The following AGBL1 variants were observed in gnomAD, a reference collection of about 807,000 sequenced individuals.
The protein encoded by AGBL1 is cytosolic carboxypeptidase 4.
In AGBL1, 130 loss-of-function variants were observed where a neutral mutation model predicts 118.9. The ratio of observed to expected loss-of-function variants is 1.09; its 90% confidence interval spans 0.95 to 1.26. The LOEUF is 1.26. Ranked by LOEUF, AGBL1 falls within the 50% of genes most tolerant of loss-of-function variation. AGBL1 has a pLI of 0.00. For missense variants in AGBL1, 1,584 were observed against 1,298.1 expected (o/e 1.22, Z -3.38); for synonymous variants, 555 against 478.9 (o/e 1.16, Z -2.08).
chr15:86,332,368 C>T (rs1239111841), intron 17 of AGBL1, among the ~76,000 whole-genome samples: 1 of 152,120 alleles, frequency 6.6e-6, no homozygotes, highest in Non-Finnish European at 1.5e-5. Context: ...AACTCCGGGC[C>T]AGGCGCAGTG....
At position 86,613,565 on chromosome 15, in the gene AGBL1, A is replaced by G. The variant is rs2084684890; in HGVS notation, c.2994+59028A>G. Among the ~76,000 whole-genome samples the G allele has an allele frequency of 6.6e-6, 1 of 152,226 alleles. No individual in the cohort carries two copies. Among genetic ancestry groups the G allele is most frequent in the Non-Finnish European group, 1.5e-5 (1 of 68,044 alleles). ...TATAAGAGCTAGAACTAGGAATTGT[A>G]AAGTAGGAAATTACCTGAGCCAGAT... On this transcript the variant is annotated intron_variant, in intron 21 of 22. Coordinates refer to ENST00000614907, the MANE Select transcript of AGBL1 (RefSeq NM_001386094.1). The surrounding 1 kb of genome is among the most constrained non-coding windows in gnomAD (Gnocchi z 4.2).
intron 19 of AGBL1, among the ~76,000 whole-genome samples, chr15:86,536,251 T>C (rs1202857578): frequency 6.6e-6 from 1 of 152,224 alleles, no homozygotes; most frequent in Non-Finnish European, 1.5e-5. Flanking sequence ...TTTCTCTTGC[T>C]CTCAACAGTG....
At chr15:86,742,275 G>T (rs1282485861) in intron 22 of AGBL1, among the ~76,000 whole-genome samples, 4 of 152,100 alleles carry the variant, frequency 2.6e-5, no homozygotes, top group Non-Finnish European at 5.9e-5. Flanking sequence ...AGACGGCATG[G>T]CTTTTCCAGA....
chr15:86,360,613 G>C (rs1448988862), intron 17 of AGBL1, among the ~76,000 whole-genome samples: 1 of 151,890 alleles, frequency 6.6e-6, no homozygotes, highest in African/African-American at 2.4e-5. Flanking sequence ...AGAAAGACTG[G>C]TTTTAATTCT....
intron 12 of AGBL1, 66 bp downstream of exon 12, chr15:86,266,523 A>G (rs2079075048): frequency 8.7e-7 from 1 of 1,146,660 alleles, no homozygotes; most frequent in Non-Finnish European, 1.2e-6. Context: ...ATGAGAATAG[A>G]CATGTTTCCT....
At chr15:86,191,095 G>A (rs933561332) in intron 5 of AGBL1, among the ~76,000 whole-genome samples, 1 of 152,068 alleles carries the variant, frequency 6.6e-6, no homozygotes, top group African/African-American at 2.4e-5. Context: ...TGTAATCCCA[G>A]CACTTTGGGA....
intron 24 of AGBL1, among the ~76,000 whole-genome samples, chr15:87,010,094 TG>T (rs757547297): frequency 1.3e-5 from 2 of 152,002 alleles, no homozygotes; most frequent in African/African-American, 2.4e-5. Context: ...GGGCCAGGGG[TG>T]GAATGATATG....
chr15:86,207,507 CTCCTTGAAGAGA>C (rs2078014495), intron 5 of AGBL1, among the ~76,000 whole-genome samples: 1 of 152,042 alleles, frequency 6.6e-6, no homozygotes, highest in Non-Finnish European at 1.5e-5. Flanking sequence ...GTTTGTAGTT[CTCCTTGAAGAGA>C]TCCTTCACAT....
intron 23 of AGBL1, chr15:86,938,873 TA>T (rs2080711474): frequency 6.6e-6 from 1 of 152,178 alleles, no homozygotes; most frequent in African/African-American, 2.4e-5. Context: ...AGAACTGCAC[TA>T]AAACAAAACA....
chr15:86,162,685 A>G (rs1357108318), intron 5 of AGBL1, among the ~76,000 whole-genome samples: 1 of 152,222 alleles, frequency 6.6e-6, no homozygotes, highest in African/African-American at 2.4e-5. Flanking sequence ...TTAAACTGCT[A>G]TGATAGCCCT....
At chr15:87,019,393 A>G (rs1372067045) in intron 24 of AGBL1, among the ~76,000 whole-genome samples, 1 of 151,814 alleles carries the variant, frequency 6.6e-6, no homozygotes, top group Non-Finnish European at 1.5e-5. Context: ...AGCAAAAGCA[A>G]TGTTATAACT....
intron 22 of AGBL1, among the ~76,000 whole-genome samples, chr15:86,732,189 C>T (rs1596416509): frequency 6.6e-6 from 1 of 152,190 alleles, no homozygotes; most frequent in South Asian, 2.1e-4. Context: ...AATAAATAAA[C>T]TTAATTTATT....
chr15:86,394,839 C>G (rs906840336), intron 17 of AGBL1, among the ~76,000 whole-genome samples: 1 of 152,168 alleles, frequency 6.6e-6, no homozygotes, highest in Non-Finnish European at 1.5e-5. Flanking sequence ...AGGACTCACA[C>G]TCTAGTAACA....
intron 18 of AGBL1, among the ~76,000 whole-genome samples, chr15:86,428,969 G>C (rs974729611): frequency 6.6e-6 from 1 of 152,236 alleles, no homozygotes; most frequent in Admixed American, 6.5e-5. Context: ...TTTGGGACCA[G>C]TGCTACTAAC....
intron 17 of AGBL1, among the ~76,000 whole-genome samples, chr15:86,371,675 G>C (rs1476280551): frequency 6.6e-6 from 1 of 152,090 alleles, no homozygotes; most frequent in African/African-American, 2.4e-5. Flanking sequence ...CCATTTATGT[G>C]TGTGTCCCAG....
At chr15:86,916,427 TTGTGTG>T (rs939693029), downstream of AGBL1, among the ~76,000 whole-genome samples, 3 of 150,668 alleles carry the variant, frequency 2.0e-5, no homozygotes, top group South Asian at 4.2e-4. Context: ...GTGTGTGTGT[TTGTGTG>T]TGTGTGTGTG....
chr15:86,404,419 C>G (rs528866211), intron 18 of AGBL1, among the ~76,000 whole-genome samples: 1 of 152,264 alleles, frequency 6.6e-6, no homozygotes, highest in South Asian at 2.1e-4. Flanking sequence ...TCACTCAACT[C>G]GCCAGGATCA....
chr15:86,686,676 A>T (rs1047505478), intron 22 of AGBL1, among the ~76,000 whole-genome samples: 1 of 152,054 alleles, frequency 6.6e-6, no homozygotes, highest in Non-Finnish European at 1.5e-5. Context: ...TAACCTCGTG[A>T]TCTGCCTGCC....
chr15:86,562,092 A>G (rs907777417), intron 21 of AGBL1, among the ~76,000 whole-genome samples: 1 of 152,202 alleles, frequency 6.6e-6, no homozygotes. Context: ...CAATTATGTC[A>G]TCTGCAAACA....
Sources: gnomAD v4.1 joint callset for allele counts (sites outside exome capture counted in the v4.1 genomes callset) on GRCh38, gnomAD v4.1.1 for gene constraint, Gnocchi (gnomAD v3.1) non-coding constraint, MANE v1.5 for transcripts, NCBI Gene and HGNC (gene_info 2026-07-23, HGNC 2026-07-21) for gene names.